The following STMN1 variants were observed in gnomAD, a reference collection of about 807,000 sequenced individuals.
The protein encoded by STMN1 is stathmin.
A neutral mutation model predicts 19.7 loss-of-function variants in STMN1; 3 were observed. That is an observed-to-expected ratio of 0.15 (90% CI 0.07 to 0.39). The LOEUF (loss-of-function observed/expected upper bound fraction) is 0.39. Among genes scored for constraint, STMN1 ranks in the 10% least tolerant of loss-of-function variants. The pLI is 1.00. For missense variants in STMN1, 99 were observed against 176.0 expected, an observed-to-expected ratio of 0.56 and a Z score of 2.48; for synonymous variants, 59 against 58.9, an observed-to-expected ratio of 1.00 and a Z score of -0.01.
intron 4 of STMN1, among the ~76,000 whole-genome samples, chr1:25,893,357 A>G (rs159522): frequency 0.56 from 85,012 of 151,872 alleles, 24,066 homozygotes; most frequent in South Asian, 0.74. Context: ...CTCTGGCTTT[A>G]CAGGGCCTCT....
intron 4 of STMN1, among the ~76,000 whole-genome samples, chr1:25,886,231 T>C (rs2124219577): frequency 6.6e-6 from 1 of 151,904 alleles, no homozygotes; most frequent in Non-Finnish European, 1.5e-5. Flanking sequence ...GTGACAAATA[T>C]GAATTGGAGG....
At chr1:25,898,039 C>A (rs1572299414), downstream of STMN1, among the ~76,000 whole-genome samples, 3 of 152,288 alleles carry the variant, frequency 2.0e-5, no homozygotes, top group East Asian at 5.8e-4. Context: ...GAACGGCAGC[C>A]ACTCTCCAGT....
intron 4 of STMN1, 94 bp from the exon 5 acceptor site, chr1:25,901,181 C>T: frequency 8.4e-6 from 13 of 1,551,646 alleles, no homozygotes; most frequent in Non-Finnish European, 1.1e-5. Context: ...TCAAAGAGGC[C>T]CAACACAACC....
At chr1:25,904,858 T>A in intron 1 of STMN1, 120 bp from the exon 2 acceptor site, 1 of 578,394 alleles carries the variant, frequency 1.7e-6, no homozygotes, top group South Asian at 4.0e-5. Context: ...AATAAAGACG[T>A]CTAAATTAAC....
chr1:25,898,961 T>C (rs892566406), downstream of STMN1, among the ~76,000 whole-genome samples: 2 of 152,166 alleles, frequency 1.3e-5, no homozygotes, highest in Admixed American at 6.5e-5. Context: ...TCTCATTTTA[T>C]CCAGGAGAAA....
intron 1 of STMN1, chr1:25,905,093 C>G: frequency 5.5e-6 from 1 of 180,806 alleles, no homozygotes; most frequent in Non-Finnish European, 1.2e-5. Flanking sequence ...ACAGTGCCCC[C>G]GGAGCCATCT....
chr1:25,889,688 G>T (rs2048755561), intron 4 of STMN1, among the ~76,000 whole-genome samples: 2 of 152,152 alleles, frequency 1.3e-5, no homozygotes, highest in African/African-American at 2.4e-5. Flanking sequence ...GGTGGCTGAA[G>T]AATTCTTTAC....
rs1209835964 is a variant in STMN1, at chr1:25,892,741, A to C, written c.379-6872T>G. 3 of 298,042 alleles carry C rather than the reference A, an allele frequency of 1.0e-5. No homozygotes were observed. In the East Asian group the frequency reaches 5.2e-4, roughly 52 times the overall value. 18.5% of individuals were successfully genotyped at this position (298,042 alleles called of 1,614,324 possible). ...GGGACAGCACTACCCCAGGCTTTGC[A>C]GTGCCTGGCTGGCCTCCCTTCAAGG... On this transcript the variant is annotated intron_variant, in intron 4 of 4. Coordinates refer to the STMN1 transcript ENST00000426559.
chr1:25,902,638 G>A (rs2048889169), intron 3 of STMN1: 1 of 152,214 alleles, frequency 6.6e-6, no homozygotes, highest in African/African-American at 2.4e-5. Flanking sequence ...GTCATGATGG[G>A]AGTTTCATTA....
intron 4 of STMN1, among the ~76,000 whole-genome samples, chr1:25,888,069 C>G (rs945896116): frequency 1.3e-5 from 2 of 152,052 alleles, no homozygotes; most frequent in African/African-American, 4.8e-5. Context: ...TCAGAAAGCC[C>G]TGGGTTTAAA....
At chr1:25,893,277 A>G (rs2048792115) in intron 4 of STMN1, among the ~76,000 whole-genome samples, 1 of 152,226 alleles carries the variant, frequency 6.6e-6, no homozygotes. Context: ...GCAGACCAGT[A>G]AAAGTTTGTA....
chr1:25,893,426 C>T (rs2048793584), intron 4 of STMN1, among the ~76,000 whole-genome samples: 1 of 152,212 alleles, frequency 6.6e-6, no homozygotes, highest in African/African-American at 2.4e-5. Context: ...GCAGGCATTT[C>T]TGGACACCAG....
downstream of STMN1, among the ~76,000 whole-genome samples, chr1:25,899,559 A>G (rs1337980078): frequency 2.6e-5 from 4 of 152,252 alleles, no homozygotes; most frequent in Admixed American, 1.3e-4. Flanking sequence ...TAAATTTAAA[A>G]GTCAATTTAA....
intron 4 of STMN1, among the ~76,000 whole-genome samples, chr1:25,889,620 C>A (rs542289693): frequency 6.6e-6 from 1 of 152,036 alleles, no homozygotes; most frequent in African/African-American, 2.4e-5. Flanking sequence ...ACTGTCCAAG[C>A]CACTCTCATC....
downstream of STMN1, among the ~76,000 whole-genome samples, chr1:25,896,580 G>A (rs1355669155): frequency 1.3e-5 from 2 of 152,210 alleles, no homozygotes; most frequent in Non-Finnish European, 2.9e-5. Flanking sequence ...GGCAGGTACT[G>A]CTCTGCTCTT....
In STMN1 at chr1:25,900,493, T is replaced by G; in HGVS notation, c.*523A>C. 4.1e-6 allele frequency: 4 copies of G among 985,874 alleles called. No homozygotes were observed. Among genetic ancestry groups the G allele is most frequent in the Non-Finnish European group, 3.6e-6 (3 of 829,994 alleles). The allele number at this position is 985,874 out of a possible 1,614,324, so 61.1% of individuals were successfully genotyped here. A position where few individuals can be genotyped will look rare whatever the true frequency, so the allele number is the denominator to read the frequency against. ...ATTTCTACCAGCCCCAAAGGCCCCA[T>G]CTGGAACAAGTATCAACCAGGAGGG... is the stretch of plus-strand genomic sequence containing the variant. On this transcript the variant is annotated 3_prime_UTR_variant, in exon 5 of 5. Coordinates refer to ENST00000455785, the MANE Select transcript of STMN1 (RefSeq NM_005563.4).
intron 4 of STMN1, among the ~76,000 whole-genome samples, chr1:25,886,074 C>T (rs1219655709): frequency 6.6e-6 from 1 of 152,168 alleles, no homozygotes; most frequent in Non-Finnish European, 1.5e-5. Flanking sequence ...ACCTAGGCAT[C>T]TGGATTTTTA....
At chr1:25,885,055 A>C (rs550050316), downstream of STMN1, 2 of 153,812 alleles carry the variant, frequency 1.3e-5, no homozygotes, top group Non-Finnish European at 2.9e-5. Context: ...CTGGTTCCCC[A>C]GGGCTGGTGC....
At chr1:25,891,259 A>C (rs1222274720) in intron 4 of STMN1, among the ~76,000 whole-genome samples, 1 of 151,810 alleles carries the variant, frequency 6.6e-6, no homozygotes, top group Non-Finnish European at 1.5e-5. Context: ...TGAACCCAGG[A>C]GGCAGAGGTT....
Sources: allele counts gnomAD v4.1 joint callset (sites outside exome capture counted in the v4.1 genomes callset), GRCh38; gene constraint gnomAD v4.1.1; transcripts MANE v1.5; gene names NCBI Gene and HGNC (gene_info 2026-07-23, HGNC 2026-07-21).